TP73: variants seen among roughly 807,000 people sequenced by gnomAD.
The protein encoded by TP73 is p53-like transcription factor.
TP73 carries 25 observed loss-of-function variants against 62.5 expected under a neutral mutation model. The observed-to-expected ratio is 0.40, with a 90% confidence interval of 0.29 to 0.56. The LOEUF (loss-of-function observed/expected upper bound fraction) is 0.56. Among genes scored for constraint, TP73 ranks in the 20% least tolerant of loss-of-function variants. TP73 has a pLI of 0.46. For synonymous variants in TP73, 423 were observed against 377.5 expected, an observed-to-expected ratio of 1.12 and a Z score of -1.40; for missense variants, 754 against 913.3, an observed-to-expected ratio of 0.83 and a Z score of 2.25.
chr1:3,729,746 AC>A, intron 10 of TP73: 1 of 745,554 alleles, frequency 1.3e-6, no homozygotes, highest in Non-Finnish European at 2.3e-6. Flanking sequence ...ACCCACCAAG[AC>A]CAGAGTCCGA....
chr1:3,729,161 C>T, intron 9 of TP73, among the ~76,000 whole-genome samples, 166 bp from the exon 10 acceptor site: 1 of 152,116 alleles, frequency 6.6e-6, no homozygotes, highest in East Asian at 1.9e-4. Flanking sequence ...AGACCTGCTT[C>T]TTGGGAAGAG....
chr1:3,673,298 C>T (rs777487598), intron 1 of TP73, among the ~76,000 whole-genome samples: 4 of 152,188 alleles, frequency 2.6e-5, no homozygotes, highest in Non-Finnish European at 4.4e-5. Context: ...TTTCCGCCCC[C>T]GTGTGTGCAG....
rs1228057623 is a variant in TP73, at chr1:3,727,644, C to T, written c.859C>T (p.Arg287Cys). 5.6e-6 allele frequency: 9 copies of T among 1,600,414 alleles called. No individual in the cohort carries two copies. Among genetic ancestry groups the T allele is most frequent in the Non-Finnish European group, 7.7e-6 (9 of 1,176,328 alleles). ...LEMRDGQVLG[R>C]RSFEGRICAC... ...ACCCGACAGTGGGCAGGTGCTGGGC[C>T]GCCGGTCCTTTGAGGGCCGCATCTG... is the stretch of plus-strand genomic sequence containing the variant. Residue 287 changes from arginine (R) to cysteine (C), a missense_variant, in exon 8 of 14, where the codon CGC becomes TGC. By Grantham distance (180) the Arg-to-Cys change is radical (BLOSUM62 -3). This residue lies in a region of TP73 where 458 missense variants were observed against 528.7 expected (regional missense o/e 0.87). Transcript: ENST00000378295.
At chr1:3,688,479 C>A (rs1192314688) in intron 3 of TP73, among the ~76,000 whole-genome samples, 1 of 152,190 alleles carries the variant, frequency 6.6e-6, no homozygotes, top group South Asian at 2.1e-4. Context: ...GCGGCAGCGT[C>A]GTTCCCCCCT....
intron 1 of TP73, among the ~76,000 whole-genome samples, chr1:3,674,326 A>G (rs1184899129): frequency 6.6e-6 from 1 of 152,190 alleles, no homozygotes; most frequent in African/African-American, 2.4e-5. Flanking sequence ...CAGCTTGCTC[A>G]GGCACCTCCA....
chr1:3,678,763 T>A (rs901122627), intron 1 of TP73, among the ~76,000 whole-genome samples: 5 of 152,098 alleles, frequency 3.3e-5, no homozygotes, highest in Admixed American at 3.3e-4. Context: ...CCTGGAGGCT[T>A]GTTAAAGGGG....
chr1:3,684,192 C>T (rs1038955669), intron 3 of TP73, among the ~76,000 whole-genome samples: 17 of 152,238 alleles, frequency 1.1e-4, no homozygotes, highest in Admixed American at 2.0e-4. Flanking sequence ...GACTCGTCAG[C>T]TGCTCGGCCC....
At position 3,672,861 on chromosome 1, in the gene TP73, A is replaced by C. The variant is rs1274008351; in HGVS notation, c.-33-9472A>C. Among the ~76,000 whole-genome samples, 2 of 151,696 alleles carry C rather than the reference A, an allele frequency of 1.3e-5. No homozygotes were observed. Among genetic ancestry groups the C allele is most frequent in the Non-Finnish European group, 2.9e-5 (2 of 67,954 alleles). Reference sequence around the variant, plus strand: ...TCCACCCCTTTCTTAGAGGAAGCTCAGCCCATCAGGCCGCTCATGCTTCTG... The same window carrying C: ...TCCACCCCTTTCTTAGAGGAAGCTCCGCCCATCAGGCCGCTCATGCTTCTG... On this transcript the variant is annotated intron_variant, in intron 1 of 13. Coordinates refer to ENST00000378295, the MANE Select transcript of TP73 (RefSeq NM_005427.4). The surrounding 1 kb of genome is among the most constrained non-coding windows in gnomAD (Gnocchi z 5.3).
At chr1:3,713,684 C>T (rs1640350870) in intron 4 of TP73, among the ~76,000 whole-genome samples, 1 of 152,190 alleles carries the variant, frequency 6.6e-6, no homozygotes, top group Non-Finnish European at 1.5e-5. Context: ...GACCTCCAGA[C>T]CTTCTGTCCC....
intron 1 of TP73, among the ~76,000 whole-genome samples, chr1:3,678,613 C>T (rs190763460): frequency 1.4e-4 from 21 of 152,362 alleles, no homozygotes; most frequent in African/African-American, 4.1e-4. Context: ...GGCAGGTTTC[C>T]GGGTCCTGGT....
At chr1:3,722,479 C>T (rs1005766861) in intron 5 of TP73, among the ~76,000 whole-genome samples, 2 of 152,222 alleles carry the variant, frequency 1.3e-5, no homozygotes, top group Non-Finnish European at 2.9e-5. Context: ...TGAGTCATAG[C>T]CCCTCTCTCC....
At chr1:3,669,202 T>C (rs966778240) in intron 1 of TP73, among the ~76,000 whole-genome samples, 1 of 152,196 alleles carries the variant, frequency 6.6e-6, no homozygotes, top group Non-Finnish European at 1.5e-5. Flanking sequence ...CCTCTCGGCC[T>C]GAGTCGGGGG....
intron 6 of TP73, among the ~76,000 whole-genome samples, chr1:3,723,720 T>G (rs1641287698): frequency 2.0e-5 from 3 of 152,236 alleles, no homozygotes; most frequent in Admixed American, 2.0e-4. Flanking sequence ...GGCCTCAGTG[T>G]GCCCAGCTCC....
At chr1:3,732,034 A>G (rs1316001335) in intron 13 of TP73, among the ~76,000 whole-genome samples, 2 of 152,210 alleles carry the variant, frequency 1.3e-5, no homozygotes, top group African/African-American at 4.8e-5. Flanking sequence ...TTAAACAGCC[A>G]CGGCTTGTCT....
intron 3 of TP73, among the ~76,000 whole-genome samples, chr1:3,705,302 A>G (rs906038641): frequency 6.6e-6 from 1 of 152,126 alleles, no homozygotes; most frequent in Admixed American, 6.5e-5. Context: ...TTCTTTATCC[A>G]TTTGCCATTC....
intron 6 of TP73, among the ~76,000 whole-genome samples, chr1:3,725,143 C>G (rs1014477406): frequency 5.9e-5 from 9 of 152,086 alleles, no homozygotes; most frequent in Non-Finnish European, 1.3e-4. Flanking sequence ...CAGGTGAGCC[C>G]GCAGCATGCA....
chr1:3,703,295 G>C (rs925685247), intron 3 of TP73, among the ~76,000 whole-genome samples: 2 of 152,196 alleles, frequency 1.3e-5, no homozygotes, highest in Non-Finnish European at 2.9e-5. Flanking sequence ...ACCCTGGGGA[G>C]GAGGGGGCTT....
chr1:3,676,847 G>A lies in TP73; in HGVS notation c.-33-5486G>A, dbSNP rs1025001346. On this transcript the variant is annotated intron_variant, in intron 1 of 13. Coordinates refer to ENST00000378295, the MANE Select transcript of TP73 (RefSeq NM_005427.4). Reference sequence around the variant, plus strand: ...AGCACCCCCTCTCCGCCACGGCCCCGACAGCTGGGCGTGCGTTCTGCTGTG... The same window carrying A: ...AGCACCCCCTCTCCGCCACGGCCCCAACAGCTGGGCGTGCGTTCTGCTGTG... Among the ~76,000 whole-genome samples, 4 of 151,922 alleles carry A rather than the reference G, an allele frequency of 2.6e-5. 1 individual carries two copies. In the South Asian group the frequency reaches 8.3e-4, roughly 32 times the overall value.
intron 3 of TP73, among the ~76,000 whole-genome samples, chr1:3,688,111 G>A (rs1209281513): frequency 6.6e-6 from 1 of 152,138 alleles, no homozygotes; most frequent in Non-Finnish European, 1.5e-5. Flanking sequence ...GAGGAAGGGT[G>A]GGGTCATGCG....
Sources: allele counts gnomAD v4.1 joint callset (sites outside exome capture counted in the v4.1 genomes callset), GRCh38; gene constraint gnomAD v4.1.1; regional missense constraint gnomAD v4.1.1; non-coding constraint Gnocchi (gnomAD v3.1); transcripts MANE v1.5; gene names NCBI Gene and HGNC (gene_info 2026-07-23, HGNC 2026-07-21).